KCNMA1: variants seen among roughly 807,000 people sequenced by gnomAD.
KCNMA1 encodes potassium calcium-activated channel subfamily M alpha 1.
Under a neutral mutation model 140.0 loss-of-function variants are expected in KCNMA1, and 29 were observed. The observed-to-expected ratio is 0.21, with a 90% CI of 0.15 to 0.28. The LOEUF (loss-of-function observed/expected upper bound fraction) is 0.28. Among genes scored for constraint, KCNMA1 ranks in the 10% least tolerant of loss-of-function variants. The pLI is 1.00. For missense variants in KCNMA1, 880 were observed against 1,602.2 expected (o/e 0.55, Z 7.70); for synonymous variants, 612 against 611.9 (o/e 1.00, Z 0.00).
chr10:76,884,378 G>T (rs996178764), downstream of KCNMA1: 1 of 152,150 alleles, frequency 6.6e-6, no homozygotes, highest in Non-Finnish European at 1.5e-5. Context: ...TATTGACAGA[G>T]AAGCAAGTTT....
At chr10:77,145,426 A>T (rs1266481308) in intron 5 of KCNMA1, among the ~76,000 whole-genome samples, 1 of 152,206 alleles carries the variant, frequency 6.6e-6, no homozygotes, top group African/African-American at 2.4e-5. Context: ...GTCTATTCCA[A>T]AAAAAACTGT....
At chr10:77,020,004 T>C (rs1228163012) in intron 16 of KCNMA1, 2 of 152,174 alleles carry the variant, frequency 1.3e-5, no homozygotes, top group Admixed American at 1.3e-4. Flanking sequence ...CAAGTTTAAT[T>C]TTCTGCAGAT....
chr10:76,988,762 G>T (rs1316910775), intron 19 of KCNMA1, among the ~76,000 whole-genome samples: 1 of 152,150 alleles, frequency 6.6e-6, no homozygotes, highest in Non-Finnish European at 1.5e-5. Context: ...GATGAGGAAT[G>T]ATGAGACCTG....
At chr10:77,340,923 C>T (rs2090742162) in intron 2 of KCNMA1, among the ~76,000 whole-genome samples, 1 of 151,918 alleles carries the variant, frequency 6.6e-6, no homozygotes, top group South Asian at 2.1e-4. Context: ...TCTGACTTCC[C>T]TGGAGTCTCT....
rs141273358 is a variant in KCNMA1 at position 77,600,662 on chromosome 10, C to T, written c.378+36603G>A. 2.2e-4 allele frequency among the ~76,000 whole-genome samples: 33 copies of T among 152,212 alleles called. 1 individual carries two copies. In the East Asian group the frequency reaches 4.6e-3, roughly 21 times the overall value. On this transcript the variant is annotated intron_variant, in intron 1 of 27. Coordinates refer to ENST00000286628, the MANE Select transcript of KCNMA1 (RefSeq NM_001161352.2). ...ACTCAGGAGGCTGAGGCAGGAGAAT[C>T]GCTTGAACCCAGGAGGAGAGGTTGC...
intron 5 of KCNMA1, among the ~76,000 whole-genome samples, chr10:77,133,134 GAA>G (rs71477073): frequency 1.7e-5 from 2 of 114,544 alleles, no homozygotes; most frequent in Non-Finnish European, 1.8e-5. Flanking sequence ...ATAGCCTAGA[GAA>G]AAAAAAAAGG....
Position 77,005,918 on chromosome 10 carries a change from A to G in KCNMA1, c.2093-4338T>C, listed in dbSNP as rs536416258. Among the ~76,000 whole-genome samples, 5 of 152,332 alleles carry G rather than the reference A, an allele frequency of 3.3e-5. No individual in the cohort carries two copies. The East Asian group carries it at 9.7e-4, about 29-fold the overall frequency. Reference sequence around the variant, plus strand: ...CTTGGACAACTTTTCCTCTATTCTCAAAGGCCATGATCATGAGACCAGAAA... The same window carrying G: ...CTTGGACAACTTTTCCTCTATTCTCGAAGGCCATGATCATGAGACCAGAAA... On this transcript the variant is annotated intron_variant, in intron 18 of 27. Coordinates refer to ENST00000286628, the MANE Select transcript of KCNMA1 (RefSeq NM_001161352.2).
At chr10:77,394,154 A>G (rs4559625) in intron 2 of KCNMA1, among the ~76,000 whole-genome samples, 9,101 of 152,350 alleles carry the variant, frequency 0.06, 371 homozygotes, top group East Asian at 0.18. Context: ...ACTTGCCATC[A>G]GAGCCCTGAG....
chr10:77,284,672 C>T (rs142905506), intron 2 of KCNMA1, among the ~76,000 whole-genome samples: 108 of 152,176 alleles, frequency 7.1e-4, no homozygotes, highest in African/African-American at 2.5e-3. Context: ...TGGCATCACA[C>T]CCAGCTAATT....
At chr10:77,442,541 T>C (rs2097429698) in intron 1 of KCNMA1, among the ~76,000 whole-genome samples, 1 of 152,130 alleles carries the variant, frequency 6.6e-6, no homozygotes, top group Admixed American at 6.5e-5. Context: ...AGAGGTTTCA[T>C]TGCTCAGTGC....
At chr10:77,064,017 G>T (rs911279197) in intron 14 of KCNMA1, 13 of 985,182 alleles carry the variant, frequency 1.3e-5, no homozygotes, top group African/African-American at 1.7e-5. Flanking sequence ...GACCATTGCC[G>T]CTTCTCGGGC....
chr10:77,030,262 C>T (rs1027753909), intron 15 of KCNMA1, among the ~76,000 whole-genome samples: 1 of 152,228 alleles, frequency 6.6e-6, no homozygotes, highest in African/African-American at 2.4e-5. Flanking sequence ...CACCAACACA[C>T]ATATCCAACT....
At chr10:77,330,814 T>A (rs2086102173) in intron 2 of KCNMA1, among the ~76,000 whole-genome samples, 1 of 152,138 alleles carries the variant, frequency 6.6e-6, no homozygotes, top group African/African-American at 2.4e-5. Context: ...TTATTACCTA[T>A]ATGACCTCAA....
intron 19 of KCNMA1, among the ~76,000 whole-genome samples, chr10:76,987,943 G>GT: frequency 6.6e-6 from 1 of 152,302 alleles, no homozygotes; most frequent in Admixed American, 6.5e-5. Flanking sequence ...GTTGGTGGTG[G>GT]TTTGGTGGCA....
At chr10:77,379,160 C>T (rs2095293048) in intron 2 of KCNMA1, among the ~76,000 whole-genome samples, 1 of 152,136 alleles carries the variant, frequency 6.6e-6, no homozygotes, top group South Asian at 2.1e-4. Flanking sequence ...AGACAACAGA[C>T]CAAATAGCAA....
intron 5 of KCNMA1, among the ~76,000 whole-genome samples, chr10:77,126,859 C>T (rs974579979): frequency 6.6e-6 from 1 of 151,990 alleles, no homozygotes; most frequent in African/African-American, 2.4e-5. Flanking sequence ...CCTGAGTTCT[C>T]CACCCTTATT....
chr10:77,024,520 A>G (rs898450896), intron 16 of KCNMA1, among the ~76,000 whole-genome samples: 1 of 152,180 alleles, frequency 6.6e-6, no homozygotes, highest in Non-Finnish European at 1.5e-5. Flanking sequence ...ATTGTCTTAG[A>G]TAACACATTA....
intron 3 of KCNMA1, among the ~76,000 whole-genome samples, chr10:77,226,823 T>G (rs2051618479): frequency 6.6e-6 from 1 of 152,220 alleles, no homozygotes; most frequent in African/African-American, 2.4e-5. Flanking sequence ...AGCCACATAC[T>G]CCTGAGTGCA....
chr10:77,529,785 C>G (rs1360003287), intron 1 of KCNMA1, among the ~76,000 whole-genome samples: 1 of 152,072 alleles, frequency 6.6e-6, no homozygotes, highest in Non-Finnish European at 1.5e-5. Context: ...CAAGAGCCCC[C>G]ACGTGGGCCT....
Sources: allele counts gnomAD v4.1 joint callset (sites outside exome capture counted in the v4.1 genomes callset), GRCh38; gene constraint gnomAD v4.1.1; transcripts MANE v1.5; gene names NCBI Gene and HGNC (gene_info 2026-07-23, HGNC 2026-07-21).